Variants in NEMP1 observed in about 807,000 individuals in gnomAD.
NEMP1 encodes the protein transmembrane protein 194.
In NEMP1, 29 loss-of-function variants were observed where a neutral mutation model predicts 53.7. That is an observed-to-expected ratio of 0.54 (90% CI 0.40 to 0.74). The LOEUF (loss-of-function observed/expected upper bound fraction) is 0.74. NEMP1 is among the 30% of genes least tolerant of loss of function. NEMP1 has a pLI of 0.00. For synonymous variants in NEMP1, 193 were observed against 192.9 expected (o/e 1.00, Z 0.00); for missense variants, 477 against 528.6 (o/e 0.90, Z 0.96).
At chr12:57,086,150 G>C (rs1313583675) in intron 1 of NEMP1, among the ~76,000 whole-genome samples, 3 of 152,150 alleles carry the variant, frequency 2.0e-5, no homozygotes, top group Non-Finnish European at 2.9e-5. Flanking sequence ...GGAGACGTTG[G>C]GGGAGGAGTG....
At chr12:57,066,480 G>A (rs2032083025) in intron 4 of NEMP1, among the ~76,000 whole-genome samples, 1 of 152,156 alleles carries the variant, frequency 6.6e-6, no homozygotes, top group African/African-American at 2.4e-5. Context: ...CTTGGCTTTT[G>A]CTGTTCTCAC....
intron 7 of NEMP1, 60 bp downstream of exon 7, chr12:57,063,059 T>A: frequency 7.4e-7 from 1 of 1,357,524 alleles, no homozygotes; most frequent in Non-Finnish European, 1.1e-6. Context: ...TGTATCCTCT[T>A]GCTGCAACTG....
chr12:57,081,635 C>T (rs1289613419), upstream of NEMP1, among the ~76,000 whole-genome samples: 2 of 149,830 alleles, frequency 1.3e-5, no homozygotes, highest in Non-Finnish European at 1.5e-5. Context: ...AGGCTGGGCA[C>T]GGTGGCTCAT....
At position 57,064,195 on chromosome 12, in the gene NEMP1, A is replaced by G. The variant is rs753352681; in HGVS notation, c.640-10T>C. On this transcript the variant is annotated splice_polypyrimidine_tract_variant and intron_variant, in intron 5 of 8. Transcript: ENST00000300128. ...CGTAAATGGGACTTTTCTAAGACAG[A>G]GAGTAGAAGTGAAAGCAAAAAGTTA... 4 of 1,556,738 alleles carry G rather than the reference A, an allele frequency of 2.6e-6. No homozygotes were observed. In the East Asian group the frequency reaches 9.2e-5, roughly 36 times the overall value.
At position 57,057,484 on chromosome 12, in the gene NEMP1, T is replaced by C. The variant is rs143257630; in HGVS notation, c.*2395A>G. Reference sequence around the variant, plus strand: ...CCTAAAGAAGGTTGAAGTCAAGCAATCTCCGGAACACAGAGGATCTGAAGC... The same window carrying C: ...CCTAAAGAAGGTTGAAGTCAAGCAACCTCCGGAACACAGAGGATCTGAAGC... On this transcript the variant is annotated 3_prime_UTR_variant, in exon 9 of 9. Transcript: ENST00000300128. The C allele has an allele frequency of 2.6e-5, 4 of 152,384 alleles. No homozygotes were observed. Among genetic ancestry groups the C allele is most frequent in the Non-Finnish European group, 4.4e-5 (3 of 68,160 alleles). The allele number at this position is 152,384 out of a possible 1,614,324, so 9.4% of individuals were successfully genotyped here.
In NEMP1 at chr12:57,058,857, G is replaced by C. The variant is rs1354414701; in HGVS notation, c.*1022C>G. 8 of 152,322 alleles carry C rather than the reference G, an allele frequency of 5.3e-5. No homozygotes were observed. The South Asian group carries it at 6.2e-4, about 12-fold the overall frequency. The allele number at this position is 152,322 out of a possible 1,614,324, so 9.4% of individuals were successfully genotyped here. A position where few individuals can be genotyped will look rare whatever the true frequency, so the allele number is the denominator to read the frequency against. On this transcript the variant is annotated 3_prime_UTR_variant, in exon 9 of 9. Transcript: ENST00000300128. Reference sequence around the variant, plus strand: ...AGCATGTAGACAAAGGAAGGGAAAGGAAAAGGAGACAGTTTCCTGATTTCA... The same window carrying C: ...AGCATGTAGACAAAGGAAGGGAAAGCAAAAGGAGACAGTTTCCTGATTTCA...
chr12:57,078,085 G>A (rs1295579072), intron 1 of NEMP1, among the ~76,000 whole-genome samples: 1 of 152,146 alleles, frequency 6.6e-6, no homozygotes, highest in Admixed American at 6.5e-5. Context: ...CATCTCGCGG[G>A]CCGGGGGCGG....
At chr12:57,088,011 A>AGCCCCTTCAAGGC (rs1378561412) in exon 1 of NEMP1, 8 of 152,290 alleles carry the variant, frequency 5.3e-5, no homozygotes. Context: ...GCGGGGGCTA[A>AGCCCCTTCAAGGC]GCTCCTTCAA....
chr12:57,062,957 T>TA lies in NEMP1; in HGVS notation c.980+161dup, dbSNP rs537788787. Among the ~76,000 whole-genome samples the TA allele has an allele frequency of 7.6e-3, 1,051 of 138,792 alleles. 9 individuals are homozygous for TA. Among genetic ancestry groups the TA allele is most frequent in the African/African-American group, 0.023 (858 of 37,922 alleles). The allele number at this position is 138,792 out of a possible 152,430, so 91.1% of individuals were successfully genotyped here. On this transcript the variant is annotated intron_variant, in intron 7 of 8. Transcript: ENST00000300128. ...AAAATATAAAAATTCCTATAGAAAG[T>TA]AAAAAAAAAAAAATAGACTCGGGAA... is the stretch of plus-strand genomic sequence containing the variant.
intron 1 of NEMP1, among the ~76,000 whole-genome samples, chr12:57,076,479 C>T (rs2032626954): frequency 6.6e-6 from 1 of 151,348 alleles, no homozygotes; most frequent in African/African-American, 2.4e-5. Context: ...ACCTAGCCAA[C>T]ATGGTGAAAC....
intron 1 of NEMP1, among the ~76,000 whole-genome samples, chr12:57,073,411 G>A (rs2032448620): frequency 6.6e-6 from 1 of 151,872 alleles, no homozygotes; most frequent in South Asian, 2.1e-4. Context: ...AGGCTGAGGT[G>A]GGCGGATGAC....
Position 57,059,854 on chromosome 12 carries a change from C to A in NEMP1, c.*25G>T. The A allele has an allele frequency of 1.9e-6, 3 of 1,606,234 alleles. No individual in the cohort carries two copies. Among genetic ancestry groups the A allele is most frequent in the South Asian group, 1.1e-5 (1 of 90,164 alleles). On this transcript the variant is annotated 3_prime_UTR_variant, in exon 9 of 9. Transcript: ENST00000300128. Reference sequence around the variant, plus strand: ...ACATGGACCAAGGCACCAAGCCAGTCCACGTAAAGATAACTGACCACTACC... The same window carrying A: ...ACATGGACCAAGGCACCAAGCCAGTACACGTAAAGATAACTGACCACTACC...
chr12:57,078,462 C>A (rs2032732808), intron 1 of NEMP1, among the ~76,000 whole-genome samples, 157 bp downstream of exon 1: 1 of 152,190 alleles, frequency 6.6e-6, no homozygotes, highest in South Asian at 2.1e-4. Flanking sequence ...CCGACGCCCA[C>A]TAGCCTGCCA....
chr12:57,071,644 G>A (rs917182971), intron 2 of NEMP1, among the ~76,000 whole-genome samples: 13 of 152,124 alleles, frequency 8.5e-5, no homozygotes, highest in Non-Finnish European at 1.2e-4. Flanking sequence ...CTCCCAAAGT[G>A]CTGAGATTAC....
Position 57,057,192 on chromosome 12 carries a change from A to G in NEMP1, c.*2687T>C, listed in dbSNP as rs1187016565. 6.6e-6 allele frequency: 1 copy of G among 152,182 alleles called. No homozygotes were observed. The highest frequency in any genetic ancestry group is 2.4e-5 in the African/African-American group (1 of 41,434). 9.4% of individuals were successfully genotyped at this position (152,182 alleles called of 1,614,324 possible). ...TGGTCAGACTGATGAGAGGCAATAG[A>G]TTTCCAATGCTGATGAGATCCAGAG... On this transcript the variant is annotated 3_prime_UTR_variant, in exon 9 of 9. Transcript: ENST00000300128.
chr12:57,055,723 T>TC lies in NEMP1; in HGVS notation c.*4155dup, dbSNP rs1186979320. 6.6e-6 allele frequency: 1 copy of TC among 152,248 alleles called. No homozygotes were observed. Among genetic ancestry groups the TC allele is most frequent in the Non-Finnish European group, 1.5e-5 (1 of 68,042 alleles). The allele number at this position is 152,248 out of a possible 1,614,324, so 9.4% of individuals were successfully genotyped here. On this transcript the variant is annotated 3_prime_UTR_variant, in exon 9 of 9. Coordinates refer to ENST00000300128, the MANE Select transcript of NEMP1 (RefSeq NM_001130963.2). ...AATACATTAAGACATTGTTCTTTTT[T>TC]CTTACAGAAAAGAGGGTGAAAATAA...
rs1189182570 is a variant in NEMP1, at chr12:57,070,711, T to C, written c.435A>G (p.Ile145Met). The change falls in exon 3 of 9, where the codon ATA (isoleucine) becomes ATG (methionine). Residue 145 changes from isoleucine (I) to methionine (M), a missense_variant. By Grantham distance (10) the Ile-to-Met change is conservative (BLOSUM62 1). Transcript: ENST00000300128. Reference sequence around the variant, plus strand: ...TGACACTGTACTTGGTGTCCTTCTCTATAATCTCAACTTTGAGGCAGGTTT... The same window carrying C: ...TGACACTGTACTTGGTGTCCTTCTCCATAATCTCAACTTTGAGGCAGGTTT... ...STKTCLKVEIIEKDTKYSVIV... is the reference protein window; with the variant it reads ...STKTCLKVEIMEKDTKYSVIV... 6.4e-7 allele frequency: 1 copy of C among 1,559,526 alleles called. No homozygotes were observed.
Position 57,059,353 on chromosome 12 carries a change from A to G in NEMP1, c.*526T>C, listed in dbSNP as rs1477373221. 15 of 152,310 alleles carry G rather than the reference A, an allele frequency of 9.8e-5. No individual in the cohort carries two copies. The highest frequency in any genetic ancestry group is 9.8e-4 in the Admixed American group (15 of 15,300). The allele number at this position is 152,310 out of a possible 1,614,324, so 9.4% of individuals were successfully genotyped here. A position where few individuals can be genotyped will look rare whatever the true frequency, so the allele number is the denominator to read the frequency against. ...ATGTTTTTTAAAAGACATTCATTTA[A>G]AAAACAAAACAATAAAAATCTATTT... On this transcript the variant is annotated 3_prime_UTR_variant, in exon 9 of 9. Transcript: ENST00000300128.
upstream of NEMP1, among the ~76,000 whole-genome samples, chr12:57,082,802 A>T (rs1370172072): frequency 6.6e-6 from 1 of 151,964 alleles, no homozygotes; most frequent in Non-Finnish European, 1.5e-5. Context: ...ACTTGAGCCT[A>T]GGAGTTTGAG....
Sources: gnomAD v4.1 joint callset for allele counts (sites outside exome capture counted in the v4.1 genomes callset) on GRCh38, gnomAD v4.1.1 for gene constraint, MANE v1.5 for transcripts, NCBI Gene and HGNC (gene_info 2026-07-23, HGNC 2026-07-21) for gene names.